POLA1: variants seen among roughly 807,000 people sequenced by gnomAD.
POLA1 encodes DNA polymerase alpha catalytic subunit.
Under a neutral mutation model 124.0 loss-of-function variants are expected in POLA1, and 15 were observed. The observed-to-expected ratio is 0.12, with a 90% CI of 0.08 to 0.19. The LOEUF is 0.19. POLA1 is among the 10% of genes least tolerant of loss of function. The pLI is 1.00. For missense variants in POLA1, 886 were observed against 1,103.4 expected (o/e 0.80, Z 2.79); for synonymous variants, 408 against 389.4 (o/e 1.05, Z -0.56).
chrX:24,830,379 A>T (rs1458073969), intron 32 of POLA1, among the ~76,000 whole-genome samples: 7 of 111,516 alleles, frequency 6.3e-5, no homozygotes, highest in African/African-American at 2.3e-4. Context: ...TGAAAGGGAG[A>T]GAGGATAGCC....
intron 36 of POLA1, among the ~76,000 whole-genome samples, chrX:24,962,898 T>C (rs2147262355): frequency 8.9e-6 from 1 of 111,978 alleles, no homozygotes; most frequent in African/African-American, 3.2e-5. Flanking sequence ...ATATATATAA[T>C]GGGTAACCCC....
Position 24,996,830 on chromosome X carries a change from G to A in POLA1, c.*880G>A, listed in dbSNP as rs937426458. On this transcript the variant is annotated 3_prime_UTR_variant, in exon 37 of 37. Transcript: ENST00000379068. ...CAGCAAAATGTATTTCAGTATGGCA[G>A]TCTTTCCTCTCTTACATTATTGGTA... is the stretch of plus-strand genomic sequence containing the variant. 3.6e-5 allele frequency: 4 copies of A among 111,896 alleles called. No individual in the cohort carries two copies. Among genetic ancestry groups the A allele is most frequent in the African/African-American group, 1.3e-4 (4 of 30,691 alleles). The allele number at this position is 111,896 out of a possible 1,213,427, so 9.2% of individuals were successfully genotyped here. A position where few individuals can be genotyped will look rare whatever the true frequency, so the allele number is the denominator to read the frequency against.
intron 14 of POLA1, among the ~76,000 whole-genome samples, chrX:24,727,554 GATGAAA>G (rs1930616097): frequency 9.0e-6 from 1 of 111,660 alleles, no homozygotes; most frequent in East Asian, 2.8e-4. Flanking sequence ...TGGAGAATCT[GATGAAA>G]GCTATAGACC....
At chrX:24,928,979 A>G (rs2047733431) in intron 35 of POLA1, among the ~76,000 whole-genome samples, 1 of 112,075 alleles carries the variant, frequency 8.9e-6, no homozygotes, top group Non-Finnish European at 1.9e-5. Context: ...AAATTGCTCC[A>G]TGTGGGTTTG....
chrX:24,770,297 A>T (rs192543841), intron 26 of POLA1, among the ~76,000 whole-genome samples: 83 of 111,329 alleles, frequency 7.5e-4, no homozygotes, highest in African/African-American at 2.6e-3. Flanking sequence ...GAAAGGAAAG[A>T]AATTGCCCTG....
At chrX:24,753,420 A>G (rs991294013) in intron 26 of POLA1, among the ~76,000 whole-genome samples, 1 of 109,829 alleles carries the variant, frequency 9.1e-6, no homozygotes, top group African/African-American at 3.3e-5. Context: ...TGGTGTGATC[A>G]TAGTTCACTG....
At chrX:24,814,794 A>G (rs746292841) in intron 29 of POLA1, among the ~76,000 whole-genome samples, 185 bp from the exon 30 acceptor site, 1 of 111,899 alleles carries the variant, frequency 8.9e-6, no homozygotes, top group South Asian at 3.7e-4. Flanking sequence ...CTTTCGGTAG[A>G]GTTGGTGTTA....
At position 24,826,459 on chromosome X, in the gene POLA1, C is replaced by T. The variant is rs186345669; in HGVS notation, c.3594C>T (p.Ala1198=). The change falls in exon 32 of 37, where the codon GCC becomes GCT. Residue 1198 remains alanine, a synonymous_variant. Coordinates refer to ENST00000379068, the MANE Select transcript of POLA1 (RefSeq NM_001330360.2). Reference sequence around the variant, plus strand: ...CAAACCTCACTGCAAGTCAGAGGGCCTATGCGCCTGAGCAGCTGCAGAAAC... The same window carrying T: ...CAAACCTCACTGCAAGTCAGAGGGCTTATGCGCCTGAGCAGCTGCAGAAAC... The part of the protein sequence containing the change: ...DGSNLTASQR[A]YAPEQLQKQD... 8.3e-7 allele frequency: 1 copy of T among 1,204,624 alleles called. No homozygotes were observed. The highest frequency in any genetic ancestry group is 1.8e-5 in the African/African-American group (1 of 57,070).
At chrX:24,916,287 CTTT>C (rs1301083848) in intron 35 of POLA1, among the ~76,000 whole-genome samples, 1 of 95,146 alleles carries the variant, frequency 1.1e-5, no homozygotes. Flanking sequence ...TTTCTTTTTT[CTTT>C]TTTTTTTTTT....
At chrX:24,781,578 G>A (rs940555976) in intron 26 of POLA1, among the ~76,000 whole-genome samples, 4 of 111,719 alleles carry the variant, frequency 3.6e-5, no homozygotes, top group African/African-American at 9.8e-5. Flanking sequence ...AAAGAGAAAT[G>A]TCGGGTTAGC....
At chrX:24,910,065 G>A (rs1193401655) in intron 35 of POLA1, among the ~76,000 whole-genome samples, 1 of 109,418 alleles carries the variant, frequency 9.1e-6, no homozygotes, top group Non-Finnish European at 1.9e-5. Context: ...AAGAATGCTT[G>A]TGATTTTTGC....
chrX:24,839,448 T>C (rs1292574017), intron 32 of POLA1, among the ~76,000 whole-genome samples: 1 of 112,032 alleles, frequency 8.9e-6, no homozygotes, highest in African/African-American at 3.2e-5. Context: ...TTTTCGCAAG[T>C]TGCAGCCAGT....
intron 34 of POLA1, among the ~76,000 whole-genome samples, chrX:24,881,416 ATAGAG>A (rs1404689989): frequency 8.9e-6 from 1 of 111,981 alleles, no homozygotes; most frequent in Non-Finnish European, 1.9e-5. Context: ...AACAACACTA[ATAGAG>A]TAAATATTAC....
intron 36 of POLA1, among the ~76,000 whole-genome samples, chrX:24,971,534 A>G (rs1338812472): frequency 2.7e-5 from 3 of 112,297 alleles, no homozygotes; most frequent in Non-Finnish European, 5.6e-5. Flanking sequence ...TAGCATGGGC[A>G]GGGCAGGTTT....
chrX:24,863,418 T>C (rs1055848150), intron 34 of POLA1, among the ~76,000 whole-genome samples: 4 of 111,915 alleles, frequency 3.6e-5, no homozygotes, highest in African/African-American at 1.3e-4. Flanking sequence ...ATAAAATGAA[T>C]GTTGGAAAAA....
chrX:24,960,063 G>A (rs1271657381), intron 36 of POLA1, among the ~76,000 whole-genome samples: 1 of 111,116 alleles, frequency 9.0e-6, no homozygotes, highest in Non-Finnish European at 1.9e-5. Context: ...AAGGCATTCA[G>A]TTTCAAAAAC....
At position 24,834,120 on chromosome X, in the gene POLA1, A is replaced by G. The variant is rs1683420373; in HGVS notation, c.3736+7519A>G. ...GACCCTGTCTCAGAAAGAAAAAAAA[A>G]AAAAAAAAAAGGAAGAAGACACTTG... On this transcript the variant is annotated intron_variant, in intron 32 of 36. Transcript: ENST00000379068. Among the ~76,000 whole-genome samples the G allele has an allele frequency of 2.7e-5, 3 of 109,746 alleles. No individual in the cohort carries two copies. In the South Asian group the frequency reaches 1.2e-3, roughly 43 times the overall value.
At chrX:24,866,185 A>G (rs2046792729) in intron 34 of POLA1, among the ~76,000 whole-genome samples, 1 of 112,136 alleles carries the variant, frequency 8.9e-6, no homozygotes, top group South Asian at 3.7e-4. Context: ...TGGGAAGACA[A>G]GAAAATTGTA....
At chrX:24,741,112 ATT>A (rs1191178461) in intron 20 of POLA1, among the ~76,000 whole-genome samples, 91 of 79,262 alleles carry the variant, frequency 1.1e-3, no homozygotes, top group Non-Finnish European at 2.0e-3. Context: ...TCCTTATGGG[ATT>A]TTGTGTGTGT....
Sources: allele counts gnomAD v4.1 joint callset (sites outside exome capture counted in the v4.1 genomes callset), GRCh38; gene constraint gnomAD v4.1.1; transcripts MANE v1.5; gene names NCBI Gene and HGNC (gene_info 2026-07-23, HGNC 2026-07-21).